The following NRDE2 variants were observed in gnomAD, a reference collection of about 807,000 sequenced individuals.
NRDE2 encodes NRDE-2, necessary for RNA interference, domain containing.
In NRDE2, 76 loss-of-function variants were observed where a neutral mutation model predicts 124.2. That is an observed-to-expected ratio of 0.61 (90% CI 0.51 to 0.74). The LOEUF is 0.74. Ranked by LOEUF, NRDE2 falls within the 30% of genes least tolerant of loss-of-function variation. The pLI, the probability that NRDE2 is intolerant of heterozygous loss-of-function variation, is 0.00. For synonymous variants in NRDE2, 489 were observed against 528.1 expected (o/e 0.93, Z 1.01); for missense variants, 1,314 against 1,417.3 (o/e 0.93, Z 1.17).
At chr14:90,314,815 C>T (rs1884977719) in intron 3 of NRDE2, among the ~76,000 whole-genome samples, 1 of 152,144 alleles carries the variant, frequency 6.6e-6, no homozygotes, top group African/African-American at 2.4e-5. Context: ...GATTCCTACC[C>T]TCAAAAATTC....
Position 90,312,430 on chromosome 14 carries a change from C to A in NRDE2, c.521G>T (p.Trp174Leu), listed in dbSNP as rs766709338. 7 of 1,614,050 alleles carry A rather than the reference C, an allele frequency of 4.3e-6. No homozygotes were observed. The highest frequency in any genetic ancestry group is 5.9e-6 in the Non-Finnish European group (7 of 1,179,990). The change falls in exon 4 of 14, where the codon TGG (tryptophan) becomes TTG (leucine). Residue 174 changes from tryptophan (W) to leucine (L), a missense_variant. Trp to Leu is a moderately conservative substitution (Grantham distance 61). Coordinates refer to ENST00000354366, the MANE Select transcript of NRDE2 (RefSeq NM_017970.4). ...RTDKKPDPAN[W>L]EYKSLYRGDI... ...CCCTCGGTAGAGAGACTTGTACTCCCAGTTCGCAGGATCTGGTTTCTTATC... is the reference window on the plus strand; with the variant it reads ...CCCTCGGTAGAGAGACTTGTACTCCAAGTTCGCAGGATCTGGTTTCTTATC...
intron 13 of NRDE2, 173 bp from the exon 14 acceptor site, chr14:90,278,634 G>A: frequency 1.4e-6 from 1 of 720,716 alleles, no homozygotes; most frequent in Non-Finnish European, 2.2e-6. Flanking sequence ...GCATGTTCAG[G>A]AAGGACACTG....
In NRDE2 at chr14:90,274,825, CA is replaced by C. The variant is rs1566678079; in HGVS notation, c.*3510del. ...ACACACACACACACACACACACACA[CA>C]CACACACACACACCCCAATACATAT... is the stretch of plus-strand genomic sequence containing the variant. On this transcript the variant is annotated 3_prime_UTR_variant, in exon 14 of 14. Transcript: ENST00000354366. The C allele has an allele frequency of 5.0e-3, 459 of 91,794 alleles. 5 individuals carry two copies. The highest frequency in any genetic ancestry group is 5.9e-3 in the Middle Eastern group (1 of 170). The allele number at this position is 91,794 out of a possible 1,614,324, so 5.7% of individuals were successfully genotyped here.
chr14:90,313,300 G>C (rs1166033731), intron 3 of NRDE2, among the ~76,000 whole-genome samples: 2 of 151,770 alleles, frequency 1.3e-5, no homozygotes, highest in Non-Finnish European at 2.9e-5. Flanking sequence ...CTAATTTTTT[G>C]TATTTTTGGT....
At chr14:90,305,008 A>C (rs1326674088) in intron 4 of NRDE2, among the ~76,000 whole-genome samples, 1 of 152,254 alleles carries the variant, frequency 6.6e-6, no homozygotes. Context: ...TAACAAACAC[A>C]TGACTACTGA....
Position 90,274,631 on chromosome 14 carries a change from G to A in NRDE2, c.*3705C>T, listed in dbSNP as rs1049172947. ...GATGAACCCAAAGTCTGTTTTGCCAGAAAGCAAGGGAGTGCTCAAGGAATG... is the reference window on the plus strand; with the variant it reads ...GATGAACCCAAAGTCTGTTTTGCCAAAAAGCAAGGGAGTGCTCAAGGAATG... On this transcript the variant is annotated 3_prime_UTR_variant, in exon 14 of 14. Transcript: ENST00000354366. 1 of 152,196 alleles carries A rather than the reference G, an allele frequency of 6.6e-6. No individual in the cohort carries two copies. The highest frequency in any genetic ancestry group is 2.4e-5 in the African/African-American group (1 of 41,408). The allele number at this position is 152,196 out of a possible 1,614,324, so 9.4% of individuals were successfully genotyped here.
chr14:90,302,619 A>G, intron 6 of NRDE2, 101 bp downstream of exon 6: 1 of 1,250,510 alleles, frequency 8.0e-7, no homozygotes, highest in South Asian at 1.6e-5. Flanking sequence ...CAAACAATTT[A>G]GACTTTTTCT....
chr14:90,276,826 C>T lies in NRDE2; in HGVS notation c.*1510G>A, dbSNP rs769454620. 1.1e-4 allele frequency: 16 copies of T among 152,250 alleles called. No individual in the cohort carries two copies. The highest frequency in any genetic ancestry group is 1.6e-4 in the Non-Finnish European group (11 of 68,100). 9.4% of individuals were successfully genotyped at this position (152,250 alleles called of 1,614,324 possible). On this transcript the variant is annotated 3_prime_UTR_variant, in exon 14 of 14. Transcript: ENST00000354366. Reference sequence around the variant, plus strand: ...CAGATGGGGACTGAGGCGCCAGCTGCTGTCATGGGGAGCATGGTTTGGTCC... The same window carrying T: ...CAGATGGGGACTGAGGCGCCAGCTGTTGTCATGGGGAGCATGGTTTGGTCC...
chr14:90,273,765 TC>T lies in NRDE2; in HGVS notation c.*4570del, dbSNP rs1212795860. 6.5e-6 allele frequency: 1 copy of T among 154,780 alleles called. No homozygotes were observed. Among genetic ancestry groups the T allele is most frequent in the Non-Finnish European group, 1.5e-5 (1 of 68,234 alleles). 9.6% of individuals were successfully genotyped at this position (154,780 alleles called of 1,614,324 possible). On this transcript the variant is annotated 3_prime_UTR_variant, in exon 14 of 14. Transcript: ENST00000354366. ...TTGTGGGCCAGCTGAGGTCAGCATT[TC>T]CTTGCTGGCTGCCAGCTGAGGCCTT...
intron 1 of NRDE2, among the ~76,000 whole-genome samples, chr14:90,319,849 G>A (rs1036306929): frequency 7.2e-5 from 11 of 152,144 alleles, no homozygotes; most frequent in African/African-American, 2.2e-4. Context: ...ACCTAGGAGC[G>A]GAATTGCTGG....
rs1491397403 is a variant in NRDE2, at chr14:90,274,838, A to ACACACCCCC, written c.*3497_*3498insGGGGGTGTG. On this transcript the variant is annotated 3_prime_UTR_variant, in exon 14 of 14. Transcript: ENST00000354366. The stretch of plus-strand genomic sequence containing the variant: ...CACACACACACACACACACACACAC[A>ACACACCCCC]CCCCAATACATATGAATTGATCTGA... 12 of 67,220 alleles carry ACACACCCCC rather than the reference A, an allele frequency of 1.8e-4. No individual in the cohort carries two copies. In the East Asian group the frequency reaches 3.4e-3, roughly 19 times the overall value. The allele number at this position is 67,220 out of a possible 1,614,324, so 4.2% of individuals were successfully genotyped here.
intron 12 of NRDE2, chr14:90,280,848 A>C (rs750513122): frequency 1.3e-5 from 2 of 152,280 alleles, no homozygotes; most frequent in Admixed American, 6.5e-5. Context: ...TCTTTGCTGG[A>C]GTTCCCATGG....
chr14:90,303,784 G>A, intron 5 of NRDE2, 151 bp downstream of exon 5: 2 of 682,728 alleles, frequency 2.9e-6, no homozygotes, highest in Non-Finnish European at 4.8e-6. Context: ...TGGACTTTGA[G>A]CGAGCTCAGG....
chr14:90,324,988 G>A (rs1270657128), intron 1 of NRDE2, among the ~76,000 whole-genome samples: 2 of 152,128 alleles, frequency 1.3e-5, no homozygotes, highest in Non-Finnish European at 2.9e-5. Context: ...GGAGGCTGTT[G>A]TAGTAATCTA....
intron 4 of NRDE2, 71 bp downstream of exon 4, chr14:90,312,323 T>A (rs561319579): frequency 6.8e-7 from 1 of 1,465,700 alleles, no homozygotes; most frequent in African/African-American, 1.4e-5. Flanking sequence ...AGGCAGACAG[T>A]GCCAAGAGAG....
Position 90,269,798 on chromosome 14 carries a change from C to T in NRDE2, c.*8538G>A, listed in dbSNP as rs1474042837. On this transcript the variant is annotated 3_prime_UTR_variant, in exon 14 of 14. Transcript: ENST00000354366. ...CTTTTCCATAACATTCCCTTTTTAG[C>T]CTCAAGAACTTGCTGCTTTTTCTGG... is the stretch of plus-strand genomic sequence containing the variant. 2.3e-6 allele frequency: 1 copy of T among 426,172 alleles called. No homozygotes were observed. Among genetic ancestry groups the T allele is most frequent in the Non-Finnish European group, 4.1e-6 (1 of 243,240 alleles). The allele number at this position is 426,172 out of a possible 1,614,324, so 26.4% of individuals were successfully genotyped here. A position where few individuals can be genotyped will look rare whatever the true frequency, so the allele number is the denominator to read the frequency against.
chr14:90,313,797 C>T (rs1196993692), intron 3 of NRDE2, among the ~76,000 whole-genome samples: 1 of 152,078 alleles, frequency 6.6e-6, no homozygotes, highest in Non-Finnish European at 1.5e-5. Flanking sequence ...TTATTCTTGG[C>T]AGGGAATATA....
intron 12 of NRDE2, among the ~76,000 whole-genome samples, chr14:90,286,070 A>C (rs2139670976): frequency 6.6e-6 from 1 of 152,344 alleles, no homozygotes; most frequent in East Asian, 1.9e-4. Flanking sequence ...AGAGAAACCC[A>C]CATTAAATCC....
chr14:90,297,586 T>C (rs1189676668), intron 8 of NRDE2, among the ~76,000 whole-genome samples: 1 of 152,134 alleles, frequency 6.6e-6, no homozygotes, highest in Non-Finnish European at 1.5e-5. Context: ...TTTCAAAGTA[T>C]CTGTTGGTCT....
Sources: gnomAD v4.1 joint callset for allele counts (sites outside exome capture counted in the v4.1 genomes callset) on GRCh38, gnomAD v4.1.1 for gene constraint, MANE v1.5 for transcripts, NCBI Gene and HGNC (gene_info 2026-07-23, HGNC 2026-07-21) for gene names.